Variants in CLRN1 observed in about 807,000 individuals in gnomAD.
CLRN1 encodes the protein clarin 1.
In CLRN1, 15 loss-of-function variants were observed where a neutral mutation model predicts 18.7. The ratio of observed to expected loss-of-function variants is 0.80; its 90% confidence interval spans 0.54 to 1.23. The LOEUF (loss-of-function observed/expected upper bound fraction) is 1.23, where lower values mean the gene tolerates loss of function less well. CLRN1 is among the 50% of genes most tolerant of loss of function. The pLI, the probability that CLRN1 is intolerant of heterozygous loss-of-function variation, is 0.00. For missense variants in CLRN1, 311 were observed against 277.5 expected (o/e 1.12, Z -0.86); for synonymous variants, 104 against 102.9 (o/e 1.01, Z -0.07).
At chr3:150,952,521 A>G (rs1229097190) in intron 1 of CLRN1, among the ~76,000 whole-genome samples, 1 of 152,222 alleles carries the variant, frequency 6.6e-6, no homozygotes, top group Non-Finnish European at 1.5e-5. Flanking sequence ...TGACGGGTTT[A>G]TCGGGAAGTA....
chr3:150,930,418 T>C (rs368377344), intron 2 of CLRN1, among the ~76,000 whole-genome samples: 53 of 152,276 alleles, frequency 3.5e-4, no homozygotes, highest in African/African-American at 1.3e-3. Context: ...CTTTAGAATT[T>C]CACATAGGAC....
chr3:150,958,670 C>T (rs1249311707), intron 1 of CLRN1, among the ~76,000 whole-genome samples: 5 of 152,216 alleles, frequency 3.3e-5, no homozygotes, highest in African/African-American at 1.2e-4. Context: ...TTAAGAACTT[C>T]CCTCTGATTT....
chr3:150,942,416 G>C (rs924132786), intron 1 of CLRN1: 1 of 198,262 alleles, frequency 5.0e-6, no homozygotes, highest in Non-Finnish European at 1.1e-5. Context: ...CTACATTTTA[G>C]GGCTTCTTTC....
rs746128095 is a variant in CLRN1, at chr3:150,928,029, A to G, written c.606T>C (p.Asn202=). The change falls in exon 3 of 3, where the codon AAT becomes AAC. Residue 202 remains asparagine (N), a synonymous_variant. Coordinates refer to ENST00000327047, the MANE Select transcript of CLRN1 (RefSeq NM_174878.3). ...IFFCFFVHFL[N]GLLIRLAGFQ... is the part of the protein sequence containing the mutation. ...ATCCAGCAAGTCGTATTAGGAGCCC[A>G]TTCAGAAAATGAACAAAAAAGCAAA... is the stretch of plus-strand genomic sequence containing the variant. The G allele has an allele frequency of 6.2e-7, 1 of 1,614,208 alleles. No homozygotes were observed.
Position 150,972,492 on chromosome 3 carries a change from G to C in CLRN1, c.217C>G (p.Gln73Glu). ...AAGGGCCTTGCTCCCAACCCACACT[G>C]CCTCACACCCTCTCCGTGGAAAAGC... ...YGLFHGEGVRQCGLGARPFRF... is the reference protein window; with the variant it reads ...YGLFHGEGVRECGLGARPFRF... The change falls in exon 1 of 3, where the codon CAG becomes GAG. Residue 73 changes from glutamine to glutamate, a missense_variant. Gln to Glu is a conservative substitution (Grantham distance 29). Transcript: ENST00000327047. 1 of 1,614,108 alleles carries C rather than the reference G, an allele frequency of 6.2e-7. No homozygotes were observed. Among genetic ancestry groups the C allele is most frequent in the Non-Finnish European group, 8.5e-7 (1 of 1,180,036 alleles).
intron 1 of CLRN1, among the ~76,000 whole-genome samples, chr3:150,967,409 G>A (rs1038590964): frequency 1.3e-5 from 2 of 151,738 alleles, no homozygotes; most frequent in South Asian, 2.1e-4. Context: ...TTTAATGGGA[G>A]GTAAACAAAA....
chr3:150,957,645 C>A (rs1714815248), intron 1 of CLRN1, among the ~76,000 whole-genome samples: 1 of 152,126 alleles, frequency 6.6e-6, no homozygotes, highest in African/African-American at 2.4e-5. Context: ...TAGGACACAT[C>A]TTTGTCTACT....
chr3:150,926,791 T>C lies in CLRN1; in HGVS notation c.*1145A>G, dbSNP rs1347348937. The C allele has an allele frequency of 6.2e-7, 1 of 1,613,928 alleles. No individual in the cohort carries two copies. The highest frequency in any genetic ancestry group is 8.5e-7 in the Non-Finnish European group (1 of 1,179,988). On this transcript the variant is annotated 3_prime_UTR_variant, in exon 3 of 3. Coordinates refer to ENST00000327047, the MANE Select transcript of CLRN1 (RefSeq NM_174878.3). Reference sequence around the variant, plus strand: ...GATCTGTTTGCTGTCATTCTCTGCTTTTTCCTTGGTGCTTTCTGGAGGACA... The same window carrying C: ...GATCTGTTTGCTGTCATTCTCTGCTCTTTCCTTGGTGCTTTCTGGAGGACA...
In CLRN1 at chr3:150,972,670, G is replaced by A. The variant is rs1056326402; in HGVS notation, c.39C>T (p.Ala13=). 5.6e-6 allele frequency: 9 copies of A among 1,613,956 alleles called. No individual in the cohort carries two copies. Among genetic ancestry groups the A allele is most frequent in the East Asian group, 4.5e-5 (2 of 44,898 alleles). The change falls in exon 1 of 3, where the codon GCC becomes GCT. Residue 13 remains alanine (A), a synonymous_variant. Coordinates refer to ENST00000327047, the MANE Select transcript of CLRN1 (RefSeq NM_174878.3). Reference sequence around the variant, plus strand: ...GGGCACATGCAAAACTGAACACTCCGGCCATGCAAAAAATGATTTTCTTCT... The same window carrying A: ...GGGCACATGCAAAACTGAACACTCCAGCCATGCAAAAAATGATTTTCTTCT... ...SQQKKIIFCM[A]GVFSFACALG...
At chr3:150,933,863 G>A (rs149123898) in intron 2 of CLRN1, among the ~76,000 whole-genome samples, 80 of 152,288 alleles carry the variant, frequency 5.3e-4, no homozygotes, top group Middle Eastern at 3.4e-3. Flanking sequence ...ATATGAGAAT[G>A]AAATTCTTTG....
At chr3:150,949,436 C>T (rs1272642683) in intron 1 of CLRN1, among the ~76,000 whole-genome samples, 1 of 152,148 alleles carries the variant, frequency 6.6e-6, no homozygotes, top group Admixed American at 6.5e-5. Context: ...TTGCAGAGAA[C>T]ATGATTCTAT....
chr3:150,938,588 G>A (rs533305613), intron 2 of CLRN1, among the ~76,000 whole-genome samples: 11 of 152,098 alleles, frequency 7.2e-5, no homozygotes, highest in East Asian at 3.9e-4. Context: ...TTGTTGTAAC[G>A]GTTTTTTTTT....
At chr3:150,932,521 ACAT>A (rs1713213895) in intron 2 of CLRN1, among the ~76,000 whole-genome samples, 1 of 152,220 alleles carries the variant, frequency 6.6e-6, no homozygotes, top group Non-Finnish European at 1.5e-5. Context: ...AGCTTTCAAC[ACAT>A]CATCTTCAAT....
At chr3:150,959,693 C>T (rs1714933365) in intron 1 of CLRN1, among the ~76,000 whole-genome samples, 1 of 150,558 alleles carries the variant, frequency 6.6e-6, no homozygotes, top group South Asian at 2.1e-4. Flanking sequence ...TTTTTACTAA[C>T]TGCTAAGTAT....
intron 1 of CLRN1, chr3:150,942,639 C>T (rs1188778710): frequency 1.3e-5 from 6 of 452,406 alleles, no homozygotes; most frequent in East Asian, 7.1e-5. Flanking sequence ...GAGCTTATAA[C>T]CTAATGGGAG....
chr3:150,971,904 C>A (rs1014347837), intron 1 of CLRN1, among the ~76,000 whole-genome samples: 1 of 152,190 alleles, frequency 6.6e-6, no homozygotes, highest in Non-Finnish European at 1.5e-5. Context: ...ATTTCTTTCC[C>A]AGTTAGCACA....
Position 150,927,621 on chromosome 3 carries a change from G to A in CLRN1, c.*315C>T, listed in dbSNP as rs1456138. On this transcript the variant is annotated 3_prime_UTR_variant, in exon 3 of 3. Transcript: ENST00000327047. ...TGTGCCTTTGATATCTTTTTGATAG[G>A]AAGACATCTTACACACACACACACA... The A allele has an allele frequency of 0.71, 364,713 of 514,546 alleles. 131,785 individuals are homozygous for A. The highest frequency in any genetic ancestry group is 0.92 in the African/African-American group (48,346 of 52,370). The allele number at this position is 514,546 out of a possible 1,614,324, so 31.9% of individuals were successfully genotyped here.
rs747083974 is a variant in CLRN1, at chr3:150,928,060, A to G, written c.575T>C (p.Ile192Thr). Reference sequence around the variant, plus strand: ...AAAATGAACAAAAAAGCAAAAGAAAATGACCCAGAATGAGGTGGTATATTT... The same window carrying G: ...AAAATGAACAAAAAAGCAAAAGAAAGTGACCCAGAATGAGGTGGTATATTT... ...SEKYTTSFWV[I>T]FFCFFVHFLN... is the part of the protein sequence containing the mutation. The change falls in exon 3 of 3, where the codon ATT becomes ACT. Residue 192 changes from isoleucine to threonine, a missense_variant. Ile to Thr is a moderately conservative substitution (Grantham distance 89). Transcript: ENST00000327047. The G allele has an allele frequency of 1.9e-6, 3 of 1,614,148 alleles. No homozygotes were observed. Among genetic ancestry groups the G allele is most frequent in the Non-Finnish European group, 2.5e-6 (3 of 1,180,016 alleles).
chr3:150,945,486 T>G, intron 1 of CLRN1: 1 of 1,283,960 alleles, frequency 7.8e-7, no homozygotes, highest in Non-Finnish European at 1.0e-6. Context: ...AACAAGCCCT[T>G]TGCCACCGCT....
Sources: gnomAD v4.1 joint callset for allele counts (sites outside exome capture counted in the v4.1 genomes callset) on GRCh38, gnomAD v4.1.1 for gene constraint, MANE v1.5 for transcripts, NCBI Gene and HGNC (gene_info 2026-07-23, HGNC 2026-07-21) for gene names.